Variants in PRCD observed in about 807,000 individuals in gnomAD.
PRCD encodes the protein photoreceptor disk component PRCD.
PRCD carries 12 observed loss-of-function variants against 10.1 expected under a neutral mutation model. The observed-to-expected ratio is 1.18, with a 90% confidence interval of 0.76 to 1.92. The LOEUF (loss-of-function observed/expected upper bound fraction) is 1.92, where lower values mean the gene tolerates loss of function less well. PRCD is among the 40% of genes most tolerant of loss of function. The pLI, the probability that PRCD is intolerant of heterozygous loss-of-function variation, is 0.00. For synonymous variants in PRCD, 31 were observed against 26.2 expected, an observed-to-expected ratio of 1.18 and a Z score of -0.56; for missense variants, 61 against 72.2, an observed-to-expected ratio of 0.84 and a Z score of 0.56.
intron 1 of PRCD, chr17:76,529,040 T>C (rs1347089710): frequency 1.9e-5 from 15 of 808,770 alleles, no homozygotes; most frequent in Non-Finnish European, 2.1e-5. Context: ...CCTGCAGTCA[T>C]TGCGCCCCCC....
chr17:76,538,619 G>C (rs1007506673), upstream of PRCD: 14 of 399,740 alleles, frequency 3.5e-5, no homozygotes, highest in South Asian at 2.3e-4. Flanking sequence ...TGAGGAAGGC[G>C]CAGGCTGCTG....
chr17:76,535,999 C>T (rs4647880), upstream of PRCD, among the ~76,000 whole-genome samples: 124,436 of 152,192 alleles, frequency 0.82, 51,075 homozygotes, highest in South Asian at 0.89. Context: ...CCTCCGAGGA[C>T]GCAGTCTGGC....
At chr17:76,529,671 C>T (rs1352409710) in intron 1 of PRCD, 9 of 985,314 alleles carry the variant, frequency 9.1e-6, no homozygotes, top group Middle Eastern at 5.2e-4. Flanking sequence ...AAGCCCCCTC[C>T]CCTCCTCTTC....
intron 1 of PRCD, chr17:76,551,558 G>A (rs2075109360): frequency 1.3e-5 from 2 of 152,138 alleles, no homozygotes; most frequent in South Asian, 4.1e-4. Context: ...ACTTAAAGCA[G>A]TGATCCCAGG....
rs2075023669 is a variant in PRCD at position 76,544,019 on chromosome 17, G to A, written c.*369G>A. 6.6e-6 allele frequency: 3 copies of A among 455,724 alleles called. No individual in the cohort carries two copies. Among genetic ancestry groups the A allele is most frequent in the African/African-American group, 4.0e-5 (2 of 49,998 alleles). 28.2% of individuals were successfully genotyped at this position (455,724 alleles called of 1,614,324 possible). A position where few individuals can be genotyped will look rare whatever the true frequency, so the allele number is the denominator to read the frequency against. ...CACTTGTTTTTATCAATTTGCTGAT[G>A]CTCAGTCCCGGCGGCTGCCTCCTTT... On this transcript the variant is annotated 3_prime_UTR_variant, in exon 5 of 5. Transcript: ENST00000592014.
At chr17:76,534,770 A>AGGTGTCTCCTGCCTCAACACCCACCACCG (rs2074896941) in intron 1 of PRCD, among the ~76,000 whole-genome samples, 1 of 152,174 alleles carries the variant, frequency 6.6e-6, no homozygotes, top group Admixed American at 6.5e-5. Context: ...CCTGGTAACC[A>AGGTGTCTCCTGCCTCAACACCCACCACCG]GGTGTCTCCT....
chr17:76,529,304 C>G, intron 1 of PRCD: 1 of 985,474 alleles, frequency 1.0e-6, no homozygotes, highest in Non-Finnish European at 1.2e-6. Flanking sequence ...CACCACTTGA[C>G]AGCTGGGAGT....
intron 2 of PRCD, among the ~76,000 whole-genome samples, chr17:76,541,505 C>T (rs1227699038): frequency 5.9e-5 from 9 of 152,134 alleles, no homozygotes; most frequent in East Asian, 1.9e-4. Context: ...AACTGGCAAC[C>T]GAGAGAACTT....
At chr17:76,539,916 G>A (rs1008631204), upstream of PRCD, 17 of 601,872 alleles carry the variant, frequency 2.8e-5, no homozygotes, top group Non-Finnish European at 4.7e-5. Flanking sequence ...CACAGTGCAT[G>A]CCTTGACCCT....
Position 76,531,661 on chromosome 17 carries a change from C to A in PRCD, n.45+3828C>A, listed in dbSNP as rs1255310666. On this transcript the variant is annotated intron_variant and non_coding_transcript_variant, in intron 1 of 4. Coordinates refer to the PRCD transcript ENST00000397633. This position sits in a 1 kb window ranked among gnomAD's most constrained non-coding sequence, Gnocchi z 7.4. Reference sequence around the variant, plus strand: ...CCATGTGCTTGAACTGGCTGAAGTACTGCTTGGCCGAGGGGAAGTTCACAA... The same window carrying A: ...CCATGTGCTTGAACTGGCTGAAGTAATGCTTGGCCGAGGGGAAGTTCACAA... The A allele has an allele frequency of 6.2e-7, 1 of 1,601,446 alleles. No individual in the cohort carries two copies. Among genetic ancestry groups the A allele is most frequent in the East Asian group, 2.2e-5 (1 of 44,466 alleles).
At chr17:76,552,976 T>C (rs1281193707) in intron 1 of PRCD, 1 of 150,476 alleles carries the variant, frequency 6.6e-6, no homozygotes, top group African/African-American at 2.4e-5. Context: ...TGTATATATA[T>C]ATGAAATGTA....
Position 76,543,120 on chromosome 17 carries a change from A to G in PRCD, c.*151A>G, listed in dbSNP as rs993077289. The G allele has an allele frequency of 4.2e-6, 2 of 470,906 alleles. No individual in the cohort carries two copies. Among genetic ancestry groups the G allele is most frequent in the Admixed American group, 2.4e-5 (1 of 42,542 alleles). The allele number at this position is 470,906 out of a possible 1,614,324, so 29.2% of individuals were successfully genotyped here. On this transcript the variant is annotated splice_region_variant and 3_prime_UTR_variant, in exon 4 of 5. Coordinates refer to ENST00000592014, the MANE Select transcript of PRCD (RefSeq NM_001077620.3). ...GAATGGGGGGAAGCAGCACTAGAGA[A>G]GGTAGACGCCTCCCTCTCAGCCCGG...
intron 1 of PRCD, chr17:76,529,170 T>A (rs1448926181): frequency 2.0e-6 from 2 of 983,946 alleles, no homozygotes; most frequent in East Asian, 2.3e-4. Context: ...CTTCTAGGAC[T>A]CTACTCTGTA....
intron 1 of PRCD, among the ~76,000 whole-genome samples, chr17:76,532,606 G>A (rs889027356): frequency 4.8e-5 from 7 of 146,380 alleles, no homozygotes; most frequent in Admixed American, 2.1e-4. Flanking sequence ...ATCTTGGCTC[G>A]CTGCAACCTC....
intron 1 of PRCD, chr17:76,529,299 C>T (rs1452112862): frequency 1.0e-6 from 1 of 985,444 alleles, no homozygotes; most frequent in South Asian, 4.7e-5. Flanking sequence ...CACCCCACCA[C>T]TTGACAGCTG....
chr17:76,549,256 G>A (rs953014812), downstream of PRCD, among the ~76,000 whole-genome samples: 2 of 152,202 alleles, frequency 1.3e-5, no homozygotes, highest in African/African-American at 4.8e-5. Context: ...TAATAAGATG[G>A]CCCAATAAAA....
chr17:76,547,856 CAT>C (rs1478265576), downstream of PRCD, among the ~76,000 whole-genome samples: 9 of 148,206 alleles, frequency 6.1e-5, no homozygotes, highest in East Asian at 2.0e-4. Context: ...CACACACAGA[CAT>C]ACACATATAC....
upstream of PRCD, among the ~76,000 whole-genome samples, chr17:76,535,582 T>A (rs1286838919): frequency 6.6e-6 from 1 of 151,712 alleles, no homozygotes; most frequent in Non-Finnish European, 1.5e-5. Flanking sequence ...GGAGTCAGAG[T>A]GGTGAGGGGT....
At chr17:76,541,395 G>A (rs551174685) in intron 2 of PRCD, among the ~76,000 whole-genome samples, 4 of 152,278 alleles carry the variant, frequency 2.6e-5, no homozygotes, top group Non-Finnish European at 5.9e-5. Flanking sequence ...TGGCAGGAGG[G>A]TGTCTCCACA....
Sources: allele counts gnomAD v4.1 joint callset (sites outside exome capture counted in the v4.1 genomes callset), GRCh38; gene constraint gnomAD v4.1.1; non-coding constraint Gnocchi (gnomAD v3.1); transcripts MANE v1.5; gene names NCBI Gene and HGNC (gene_info 2026-07-23, HGNC 2026-07-21).